The following DEPDC5 variants were observed in gnomAD, a reference collection of about 807,000 sequenced individuals.
DEPDC5 encodes GATOR1 complex protein DEPDC5.
In DEPDC5, 73 loss-of-function variants were observed where a neutral mutation model predicts 217.3. That is an observed-to-expected ratio of 0.34 (90% confidence interval 0.28 to 0.41). The LOEUF (loss-of-function observed/expected upper bound fraction) is 0.41. Among genes scored for constraint, DEPDC5 ranks in the 10% least tolerant of loss-of-function variants. The pLI is 1.00. For synonymous variants in DEPDC5, 733 were observed against 756.7 expected, an observed-to-expected ratio of 0.97 and a Z score of 0.51; for missense variants, 1,675 against 2,070.1, an observed-to-expected ratio of 0.81 and a Z score of 3.70.
intron 37 of DEPDC5, among the ~76,000 whole-genome samples, chr22:31,876,696 T>G (rs1224611355): frequency 6.6e-6 from 1 of 152,206 alleles, no homozygotes; most frequent in African/African-American, 2.4e-5. Flanking sequence ...CCCAGGAAAC[T>G]ATCAAGTCCT....
chr22:31,897,404 G>T, intron 39 of DEPDC5, 78 bp from the exon 40 acceptor site: 27 of 1,522,430 alleles, frequency 1.8e-5, no homozygotes, highest in Non-Finnish European at 2.0e-5. Flanking sequence ...TTTCTGGCGG[G>T]TTTTCTCCTT....
intron 24 of DEPDC5, among the ~76,000 whole-genome samples, chr22:31,826,039 C>G (rs1346835349): frequency 6.6e-6 from 1 of 151,938 alleles, no homozygotes; most frequent in Non-Finnish European, 1.5e-5. Flanking sequence ...AAGAGACTCA[C>G]TCTGTCTCCC....
rs1164925691 is a variant in DEPDC5 at position 31,906,987 on chromosome 22, G to C, written c.*490G>C. On this transcript the variant is annotated 3_prime_UTR_variant, in exon 43 of 43. Transcript: ENST00000651528. The surrounding 1 kb of genome is among the most constrained non-coding windows in gnomAD (Gnocchi z 5.1). ...CAACTGTATATACCTGTACATATCA[G>C]AAGCAAATAAAGAGCTCCACGTGCA... The C allele has an allele frequency of 6.1e-6, 1 of 163,248 alleles. No homozygotes were observed. The highest frequency in any genetic ancestry group is 1.3e-5 in the Non-Finnish European group (1 of 74,232). 10.1% of individuals were successfully genotyped at this position (163,248 alleles called of 1,614,324 possible). A position where few individuals can be genotyped will look rare whatever the true frequency, so the allele number is the denominator to read the frequency against.
chr22:31,827,585 C>T (rs1265958829), intron 24 of DEPDC5, among the ~76,000 whole-genome samples: 1 of 152,188 alleles, frequency 6.6e-6, no homozygotes, highest in Non-Finnish European at 1.5e-5. Flanking sequence ...ATGAACTTCT[C>T]TGCACAAAAT....
At chr22:31,830,699 A>G (rs2090533936) in intron 24 of DEPDC5, among the ~76,000 whole-genome samples, 1 of 151,212 alleles carries the variant, frequency 6.6e-6, no homozygotes, top group African/African-American at 2.4e-5. Context: ...GAGATGGCAC[A>G]GATCTACTTT....
rs185789663 is a variant in DEPDC5 at position 31,888,632 on chromosome 22, G to A, written c.4034-4950G>A. Among the ~76,000 whole-genome samples, 29 of 151,874 alleles carry A rather than the reference G, an allele frequency of 1.9e-4. 1 individual carries two copies. In the East Asian group the frequency reaches 2.3e-3, roughly 12 times the overall value. On this transcript the variant is annotated intron_variant, in intron 38 of 42. Coordinates refer to ENST00000651528, the MANE Select transcript of DEPDC5 (RefSeq NM_001242896.3). ...TGGCATGATCCTAGCTTGCTGCAGC[G>A]TCAACCTTCTGGTTTCAAGTGACCT... is the stretch of plus-strand genomic sequence containing the variant.
intron 7 of DEPDC5, chr22:31,769,176 C>T (rs890251910): frequency 5.9e-5 from 10 of 168,814 alleles, no homozygotes; most frequent in Non-Finnish European, 8.8e-5. Flanking sequence ...AGGAGAATGG[C>T]GTGAACCCGG....
At chr22:31,864,671 T>C (rs921115886) in intron 33 of DEPDC5, among the ~76,000 whole-genome samples, 1 of 151,774 alleles carries the variant, frequency 6.6e-6, no homozygotes, top group South Asian at 2.1e-4. Flanking sequence ...TCCCAGCACT[T>C]TGGGAGGCCA....
chr22:31,833,850 TAACTGGTCAG>T (rs767627191), intron 24 of DEPDC5, 55 bp from the exon 25 acceptor site: 16 of 1,393,934 alleles, frequency 1.1e-5, no homozygotes, highest in Non-Finnish European at 1.4e-5. Context: ...TTTTCAACCA[TAACTGGTCAG>T]AACTCTTTTG....
chr22:31,806,432 C>T (rs891637581), intron 18 of DEPDC5, among the ~76,000 whole-genome samples: 2 of 152,168 alleles, frequency 1.3e-5, no homozygotes, highest in African/African-American at 2.4e-5. Flanking sequence ...TGGCCATGAA[C>T]AGGGTTAAGA....
chr22:31,800,004 TG>T (rs1431307858), intron 14 of DEPDC5, among the ~76,000 whole-genome samples: 1 of 151,646 alleles, frequency 6.6e-6, no homozygotes, highest in East Asian at 1.9e-4. Context: ...GGTTGTACCA[TG>T]TTGGTCAGGA....
chr22:31,879,850 T>TAG, intron 38 of DEPDC5, 98 bp downstream of exon 38: 1 of 1,224,122 alleles, frequency 8.2e-7, no homozygotes, highest in Non-Finnish European at 1.1e-6. Context: ...GAACCAGGAT[T>TAG]AGAGTCGCTG....
At chr22:31,807,678 C>T (rs577566864) in intron 18 of DEPDC5, among the ~76,000 whole-genome samples, 6 of 152,294 alleles carry the variant, frequency 3.9e-5, no homozygotes, top group African/African-American at 9.6e-5. Context: ...GTGACCCACC[C>T]GCCTCAGCCT....
At chr22:31,865,524 C>CAT (rs1006891775) in intron 33 of DEPDC5, among the ~76,000 whole-genome samples, 13 of 151,872 alleles carry the variant, frequency 8.6e-5, no homozygotes, top group South Asian at 4.2e-4. Flanking sequence ...CAAAACAAAA[C>CAT]ATATATATAT....
chr22:31,832,043 G>T (rs2090637607), intron 24 of DEPDC5, among the ~76,000 whole-genome samples: 1 of 152,150 alleles, frequency 6.6e-6, no homozygotes, highest in Admixed American at 6.5e-5. Flanking sequence ...TTTGAGTCTG[G>T]CTTATTTCAC....
chr22:31,848,733 A>G lies in DEPDC5; in HGVS notation c.3155+1766A>G, dbSNP rs184499527. Among the ~76,000 whole-genome samples, 243 of 152,272 alleles carry G rather than the reference A, an allele frequency of 1.6e-3. 2 individuals carry two copies. The highest frequency in any genetic ancestry group is 5.1e-4 in the Non-Finnish European group (35 of 68,030). On this transcript the variant is annotated intron_variant, in intron 31 of 42. Coordinates refer to ENST00000651528, the MANE Select transcript of DEPDC5 (RefSeq NM_001242896.3). ...CATTAAGCTCCTCCTTACTTATGCA[A>G]ATTTCTGCAGTAGGCTTGAATTTCC...
chr22:31,826,940 C>G (rs2090201459), intron 24 of DEPDC5, among the ~76,000 whole-genome samples: 1 of 148,814 alleles, frequency 6.7e-6, no homozygotes, highest in Admixed American at 6.7e-5. Flanking sequence ...CCTCTGTTGT[C>G]CAGGATAGAG....
At chr22:31,839,244 AT>A (rs1402682656) in intron 27 of DEPDC5, among the ~76,000 whole-genome samples, 4 of 152,118 alleles carry the variant, frequency 2.6e-5, no homozygotes, top group African/African-American at 7.2e-5. Flanking sequence ...ATTTGTTCTT[AT>A]TTTCTTATTC....
Position 31,879,515 on chromosome 22 carries a change from C to T in DEPDC5, c.3806-10C>T. On this transcript the variant is annotated splice_polypyrimidine_tract_variant and intron_variant, in intron 37 of 42. Coordinates refer to ENST00000651528, the MANE Select transcript of DEPDC5 (RefSeq NM_001242896.3). The stretch of plus-strand genomic sequence containing the variant: ...TTGAGTACTCCTTCTCTCCCCTCCA[C>T]TTTTCCCAGTGGCCATGCAGCAGCC... The T allele has an allele frequency of 6.2e-7, 1 of 1,606,846 alleles. No individual in the cohort carries two copies. Among genetic ancestry groups the T allele is most frequent in the South Asian group, 1.1e-5 (1 of 91,020 alleles).
Sources: allele counts gnomAD v4.1 joint callset (sites outside exome capture counted in the v4.1 genomes callset), GRCh38; gene constraint gnomAD v4.1.1; non-coding constraint Gnocchi (gnomAD v3.1); transcripts MANE v1.5; gene names NCBI Gene and HGNC (gene_info 2026-07-23, HGNC 2026-07-21).